Variants in PRXL2A observed in about 807,000 individuals in gnomAD.
PRXL2A encodes peroxiredoxin-like 2A.
PRXL2A carries 26 observed loss-of-function variants against 25.6 expected under a neutral mutation model. That is an observed-to-expected ratio of 1.02 (90% CI 0.74 to 1.41). PRXL2A has a LOEUF of 1.41. Ranked by LOEUF, PRXL2A falls within the 40% of genes most tolerant of loss-of-function variation. The pLI is 0.00. For synonymous variants in PRXL2A, 98 were observed against 102.9 expected (o/e 0.95, Z 0.29); for missense variants, 246 against 273.9 (o/e 0.90, Z 0.72).
intron 1 of PRXL2A, among the ~76,000 whole-genome samples, chr10:80,416,461 GA>G (rs1296503692): frequency 6.6e-6 from 1 of 152,210 alleles, no homozygotes; most frequent in Non-Finnish European, 1.5e-5. Flanking sequence ...CAGAACTGAG[GA>G]GGGGGTGAAT....
intron 1 of PRXL2A, among the ~76,000 whole-genome samples, chr10:80,411,158 T>G (rs1844466225): frequency 6.6e-6 from 1 of 152,232 alleles, no homozygotes; most frequent in Non-Finnish European, 1.5e-5. Context: ...CATAAGGCTC[T>G]GTGTGCCTGC....
intron 5 of PRXL2A, among the ~76,000 whole-genome samples, chr10:80,431,359 G>A (rs1490092122): frequency 6.6e-6 from 1 of 150,552 alleles, no homozygotes; most frequent in Non-Finnish European, 1.5e-5. Flanking sequence ...TTTAAGATGA[G>A]TTTCCAGATG....
chr10:80,415,263 T>G (rs1844622342), intron 1 of PRXL2A, among the ~76,000 whole-genome samples: 1 of 152,230 alleles, frequency 6.6e-6, no homozygotes, highest in Non-Finnish European at 1.5e-5. Flanking sequence ...GGGCTGAATC[T>G]CTGCTCACAC....
intron 1 of PRXL2A, among the ~76,000 whole-genome samples, chr10:80,417,758 G>GTT (rs68052923): frequency 7.7e-6 from 1 of 130,110 alleles, no homozygotes. Flanking sequence ...TTTTTTTTTT[G>GTT]TTTTTTTTTT....
chr10:80,431,900 G>A, intron 5 of PRXL2A, 86 bp from the exon 6 acceptor site: 1 of 958,388 alleles, frequency 1.0e-6, no homozygotes, highest in Non-Finnish European at 1.7e-6. Flanking sequence ...CAAGCAAAAG[G>A]CTTGACAGAC....
chr10:80,424,033 G>C (rs766043972), intron 3 of PRXL2A, among the ~76,000 whole-genome samples: 2 of 152,046 alleles, frequency 1.3e-5, no homozygotes, highest in Non-Finnish European at 2.9e-5. Flanking sequence ...TTGATTTCTC[G>C]GGGCCATTAA....
At chr10:80,419,356 G>A (rs981071674) in intron 1 of PRXL2A, among the ~76,000 whole-genome samples, 2 of 127,994 alleles carry the variant, frequency 1.6e-5, no homozygotes, top group African/African-American at 6.0e-5. Context: ...TGCCCAGGCT[G>A]AAGTGCAATG....
upstream of PRXL2A, chr10:80,408,000 C>G (rs1241865123): frequency 6.6e-6 from 1 of 152,144 alleles, no homozygotes; most frequent in Non-Finnish European, 1.5e-5. Flanking sequence ...TCAGCGTCGC[C>G]CGGAGTCCGC....
intron 1 of PRXL2A, among the ~76,000 whole-genome samples, chr10:80,414,193 A>T (rs1476298784): frequency 6.6e-6 from 1 of 152,220 alleles, no homozygotes; most frequent in Non-Finnish European, 1.5e-5. Context: ...TGTTCAGACC[A>T]GAGCTGCCAC....
chr10:80,419,204 T>C lies in PRXL2A; in HGVS notation c.-2-1262T>C, dbSNP rs575001997. 3.9e-5 allele frequency among the ~76,000 whole-genome samples: 6 copies of C among 152,160 alleles called. No homozygotes were observed. In the South Asian group the frequency reaches 1.2e-3, roughly 32 times the overall value. On this transcript the variant is annotated intron_variant, in intron 1 of 5. Transcript: ENST00000606162. ...TTTCACTGTGTTGGCCAGGATGGTCTCCATCTCTTGACCTCGTGATTCACC... is the reference window on the plus strand; with the variant it reads ...TTTCACTGTGTTGGCCAGGATGGTCCCCATCTCTTGACCTCGTGATTCACC...
chr10:80,432,958 G>A lies in PRXL2A; in HGVS notation c.*859G>A, dbSNP rs967667182. ...AGAGATCTGTTTCTCTAGAAAAAAT[G>A]TCCATCTCTGGCTTTAATAAAATTA... On this transcript the variant is annotated 3_prime_UTR_variant, in exon 6 of 6. Transcript: ENST00000606162. 2 of 152,134 alleles carry A rather than the reference G, an allele frequency of 1.3e-5. No individual in the cohort carries two copies. The highest frequency in any genetic ancestry group is 2.9e-5 in the Non-Finnish European group (2 of 68,024). 9.4% of individuals were successfully genotyped at this position (152,134 alleles called of 1,614,324 possible).
intron 1 of PRXL2A, among the ~76,000 whole-genome samples, chr10:80,418,648 C>T (rs1011120315): frequency 6.6e-6 from 1 of 152,176 alleles, no homozygotes; most frequent in Admixed American, 6.5e-5. Context: ...CAGGCCTATT[C>T]CCGGTGATCT....
At chr10:80,430,658 T>TA in intron 5 of PRXL2A, among the ~76,000 whole-genome samples, 1 of 151,888 alleles carries the variant, frequency 6.6e-6, no homozygotes, top group East Asian at 1.9e-4. Flanking sequence ...AATAAATAAA[T>TA]AAAAAGTGTG....
chr10:80,422,820 C>T (rs1844917873), intron 3 of PRXL2A, among the ~76,000 whole-genome samples: 1 of 152,152 alleles, frequency 6.6e-6, no homozygotes, highest in Non-Finnish European at 1.5e-5. Context: ...GGTCCAATTC[C>T]ATGCTTCTGA....
At chr10:80,426,959 C>T (rs919735888) in intron 4 of PRXL2A, among the ~76,000 whole-genome samples, 3 of 151,782 alleles carry the variant, frequency 2.0e-5, no homozygotes, top group Non-Finnish European at 4.4e-5. Flanking sequence ...GCTTGGCCAA[C>T]GTGGTGAAAC....
At chr10:80,413,256 A>G (rs1309337534) in intron 1 of PRXL2A, among the ~76,000 whole-genome samples, 1 of 152,114 alleles carries the variant, frequency 6.6e-6, no homozygotes, top group Non-Finnish European at 1.5e-5. Flanking sequence ...TTGGGTCAGA[A>G]CAGCAATAGG....
chr10:80,425,355 A>G (rs922292845), intron 3 of PRXL2A, among the ~76,000 whole-genome samples: 1 of 152,234 alleles, frequency 6.6e-6, no homozygotes, highest in African/African-American at 2.4e-5. Context: ...GTTCCAAGAA[A>G]TGGAAGACAT....
intron 5 of PRXL2A, among the ~76,000 whole-genome samples, chr10:80,429,885 C>T (rs1365214419): frequency 2.0e-5 from 3 of 152,128 alleles, no homozygotes; most frequent in Non-Finnish European, 4.4e-5. Context: ...TCTTGCCTGG[C>T]GATGACTCAT....
intron 3 of PRXL2A, among the ~76,000 whole-genome samples, chr10:80,423,258 C>T (rs139497227): frequency 0.013 from 1,906 of 152,340 alleles, 23 homozygotes; most frequent in Non-Finnish European, 0.02. Context: ...TGAGAAGGAA[C>T]ATTGCCACTA....
Sources: gnomAD v4.1 joint callset for allele counts (sites outside exome capture counted in the v4.1 genomes callset) on GRCh38, gnomAD v4.1.1 for gene constraint, MANE v1.5 for transcripts, NCBI Gene and HGNC (gene_info 2026-07-23, HGNC 2026-07-21) for gene names.